LRRC7: variants seen among roughly 807,000 people sequenced by gnomAD.
LRRC7 encodes leucine rich repeat containing 7.
Under a neutral mutation model 175.7 loss-of-function variants are expected in LRRC7, and 23 were observed. That is an observed-to-expected ratio of 0.13 (90% CI 0.09 to 0.19). LRRC7 has a LOEUF of 0.19. Ranked by LOEUF, LRRC7 falls within the 10% of genes least tolerant of loss-of-function variation. LRRC7 has a pLI of 1.00. For missense variants in LRRC7, 1,354 were observed against 1,904.7 expected, an observed-to-expected ratio of 0.71 and a Z score of 5.38; for synonymous variants, 685 against 680.9, an observed-to-expected ratio of 1.01 and a Z score of -0.09.
At chr1:69,583,118 G>C (rs905320888) in intron 1 of LRRC7, among the ~76,000 whole-genome samples, 2 of 151,660 alleles carry the variant, frequency 1.3e-5, no homozygotes, top group Admixed American at 6.6e-5. Flanking sequence ...GATTTATGGA[G>C]CATTTTATAT....
chr1:69,728,615 C>T (rs1415649152), intron 2 of LRRC7, among the ~76,000 whole-genome samples: 1 of 152,030 alleles, frequency 6.6e-6, no homozygotes, highest in Admixed American at 6.5e-5. Flanking sequence ...GATCATGAGC[C>T]AAAGAAATGT....
intron 3 of LRRC7, among the ~76,000 whole-genome samples, chr1:69,781,849 G>A (rs1194389672): frequency 8.2e-5 from 8 of 97,114 alleles, no homozygotes; most frequent in South Asian, 3.2e-4. Flanking sequence ...AAGGAAGGGA[G>A]AGAAAGAAAG....
At chr1:69,799,506 C>T (rs1199322256) in intron 4 of LRRC7, among the ~76,000 whole-genome samples, 3 of 152,078 alleles carry the variant, frequency 2.0e-5, no homozygotes, top group African/African-American at 4.8e-5. Flanking sequence ...TAATGGCCTC[C>T]ACTTCCATCC....
intron 2 of LRRC7, among the ~76,000 whole-genome samples, chr1:69,690,894 A>T (rs1326111424): frequency 6.6e-6 from 1 of 152,178 alleles, no homozygotes; most frequent in Admixed American, 6.5e-5. Context: ...CATTACATTG[A>T]AACCCATTCT....
intron 25 of LRRC7, among the ~76,000 whole-genome samples, chr1:70,103,309 G>A (rs536039197): frequency 5.3e-5 from 8 of 152,250 alleles, no homozygotes; most frequent in Admixed American, 3.9e-4. Flanking sequence ...TGCAGATGTG[G>A]TGAAGTTAAG....
Position 70,141,469 on chromosome 1 carries a change from T to C in LRRC7, c.*19582T>C, listed in dbSNP as rs1667058776. The C allele has an allele frequency of 6.6e-6, 1 of 151,972 alleles. No individual in the cohort carries two copies. The highest frequency in any genetic ancestry group is 1.5e-5 in the Non-Finnish European group (1 of 67,956). The allele number at this position is 151,972 out of a possible 1,614,324, so 9.4% of individuals were successfully genotyped here. ...AAATTATAGGCCTAGCAATCCTAAA[T>C]CTCCTATGTCCTCAATATCTAGAAA... On this transcript the variant is annotated 3_prime_UTR_variant, in exon 27 of 27. Coordinates refer to ENST00000651989, the MANE Select transcript of LRRC7 (RefSeq NM_001370785.2).
intron 2 of LRRC7, among the ~76,000 whole-genome samples, chr1:69,698,812 G>T (rs1538907): frequency 0.076 from 11,515 of 152,156 alleles, 549 homozygotes; most frequent in African/African-American, 0.14. Flanking sequence ...CACATAACAT[G>T]GTCTCAATGT....
intron 18 of LRRC7, 147 bp downstream of exon 18, chr1:70,028,518 T>C: frequency 4.0e-6 from 3 of 740,786 alleles, no homozygotes; most frequent in Non-Finnish European, 6.6e-6. Flanking sequence ...CTATGAGGGT[T>C]GCATTTAATC....
At chr1:69,646,369 G>T (rs78053504) in intron 1 of LRRC7, among the ~76,000 whole-genome samples, 6,984 of 152,150 alleles carry the variant, frequency 0.046, 295 homozygotes, top group African/African-American at 0.11. Flanking sequence ...CAATAAAATA[G>T]TGTAAATAAG....
At chr1:69,881,559 T>C (rs12741230) in intron 7 of LRRC7, among the ~76,000 whole-genome samples, 4,895 of 152,156 alleles carry the variant, frequency 0.032, 138 homozygotes, top group Admixed American at 0.082. Flanking sequence ...AAAAGGTTTT[T>C]ACACAGCAAA....
chr1:70,081,030 C>T (rs1030659226), intron 24 of LRRC7, among the ~76,000 whole-genome samples: 1 of 152,142 alleles, frequency 6.6e-6, no homozygotes, highest in Non-Finnish European at 1.5e-5. Context: ...GCTGCAGAAT[C>T]TGTTGAGGGG....
At chr1:70,013,771 A>G (rs887507224) in intron 13 of LRRC7, among the ~76,000 whole-genome samples, 1 of 152,036 alleles carries the variant, frequency 6.6e-6, no homozygotes, top group Non-Finnish European at 1.5e-5. Flanking sequence ...AAATAAAATA[A>G]TCACAAAATA....
At chr1:69,903,633 C>A (rs1416219390) in intron 7 of LRRC7, among the ~76,000 whole-genome samples, 2 of 152,064 alleles carry the variant, frequency 1.3e-5, no homozygotes, top group Non-Finnish European at 2.9e-5. Flanking sequence ...TAAAAGCTTG[C>A]AGAAGACAAG....
At chr1:69,701,572 G>A (rs1663363105) in intron 2 of LRRC7, among the ~76,000 whole-genome samples, 1 of 152,108 alleles carries the variant, frequency 6.6e-6, no homozygotes, top group South Asian at 2.1e-4. Context: ...TATAATGATA[G>A]CATTTTAAAG....
chr1:69,804,542 A>G (rs1382768455), intron 4 of LRRC7, among the ~76,000 whole-genome samples: 1 of 151,614 alleles, frequency 6.6e-6, no homozygotes, highest in Non-Finnish European at 1.5e-5. Flanking sequence ...TGAACTTTCT[A>G]AAGAAATTTT....
chr1:69,804,764 A>G (rs1017269315), intron 4 of LRRC7, among the ~76,000 whole-genome samples: 2 of 151,670 alleles, frequency 1.3e-5, no homozygotes, highest in Non-Finnish European at 1.5e-5. Flanking sequence ...TAAAACTCCT[A>G]TGTGCATCAG....
intron 23 of LRRC7, among the ~76,000 whole-genome samples, chr1:70,061,056 CCAAGCCTCATAAG>C (rs2102084145): frequency 1.3e-5 from 2 of 152,032 alleles, no homozygotes; most frequent in South Asian, 4.2e-4. Context: ...GTTCTCTTTC[CCAAGCCTCATAAG>C]CAAATGAGAA....
chr1:69,686,363 T>C (rs1050275219), intron 2 of LRRC7, among the ~76,000 whole-genome samples: 1 of 152,198 alleles, frequency 6.6e-6, no homozygotes, highest in Non-Finnish European at 1.5e-5. Context: ...TAGAATTTTC[T>C]TTACCTTATG....
chr1:69,855,697 C>T (rs1421820856), intron 7 of LRRC7, among the ~76,000 whole-genome samples: 3 of 151,996 alleles, frequency 2.0e-5, no homozygotes, highest in East Asian at 1.9e-4. Flanking sequence ...CTTTCTGTCT[C>T]GTTGATCTGT....
Sources: allele counts gnomAD v4.1 joint callset (sites outside exome capture counted in the v4.1 genomes callset), GRCh38; gene constraint gnomAD v4.1.1; transcripts MANE v1.5; gene names NCBI Gene and HGNC (gene_info 2026-07-23, HGNC 2026-07-21).